Variants in GABRR2 observed in about 807,000 individuals in gnomAD.
The protein encoded by GABRR2 is gamma-aminobutyric acid receptor subunit rho-2.
A neutral mutation model predicts 47.0 loss-of-function variants in GABRR2; 36 were observed. That is an observed-to-expected ratio of 0.77 (90% CI 0.59 to 1.01). GABRR2 has a LOEUF of 1.01. GABRR2 is among the 50% of genes least tolerant of loss of function. The pLI is 0.00. For synonymous variants in GABRR2, 204 were observed against 227.5 expected, an observed-to-expected ratio of 0.90 and a Z score of 0.93; for missense variants, 587 against 594.6, an observed-to-expected ratio of 0.99 and a Z score of 0.13.
At chr6:89,267,605 G>T (rs1403037431) in intron 6 of GABRR2, 74 bp downstream of exon 6, 1 of 1,120,996 alleles carries the variant, frequency 8.9e-7, no homozygotes, top group Non-Finnish European at 1.3e-6. Context: ...ATATTTTCCT[G>T]GGGTTAAGGC....
intron 1 of GABRR2, among the ~76,000 whole-genome samples, chr6:89,303,637 T>A: frequency 3.7e-5 from 4 of 108,474 alleles, no homozygotes; most frequent in African/African-American, 7.5e-5. Flanking sequence ...GCCAAAGCAA[T>A]CTTAAGGAGG....
At chr6:89,274,198 C>A (rs754156556) in intron 2 of GABRR2, among the ~76,000 whole-genome samples, 3 of 152,208 alleles carry the variant, frequency 2.0e-5, no homozygotes, top group East Asian at 1.9e-4. Context: ...ATTGCCCATG[C>A]GGAGTGCAGG....
rs780056404 is a variant in GABRR2 at position 89,271,612 on chromosome 6, C to T, written c.288+43G>A. On this transcript the variant is annotated intron_variant, in intron 3 of 8. Coordinates refer to ENST00000402938, the MANE Select transcript of GABRR2 (RefSeq NM_002043.5). ...CAGCCTGCACCACCGAGGCCCACTA[C>T]ACTACAGGCTCTCACGCTGTGTCAC... 7.7e-6 allele frequency: 12 copies of T among 1,558,296 alleles called. No individual in the cohort carries two copies. In the East Asian group the frequency reaches 9.2e-5, roughly 12 times the overall value.
rs543907683 is a variant in GABRR2 at position 89,289,498 on chromosome 6, T to A, written c.220+10261A>T. ...GAGAGAATTTAACTTGAATTTGAAT[T>A]CTGATTTAAATTAAATACTAAGGAT... On this transcript the variant is annotated intron_variant, in intron 2 of 8. Coordinates refer to ENST00000402938, the MANE Select transcript of GABRR2 (RefSeq NM_002043.5). Among the ~76,000 whole-genome samples the A allele has an allele frequency of 2.2e-4, 33 of 152,256 alleles. No individual in the cohort carries two copies. The South Asian group carries it at 6.2e-3, about 29-fold the overall frequency.
At chr6:89,259,891 TTTTTTTTG>T (rs1263111178) in intron 8 of GABRR2, among the ~76,000 whole-genome samples, 1 of 148,114 alleles carries the variant, frequency 6.8e-6, no homozygotes, top group East Asian at 1.9e-4. Context: ...CTCTTTTTTT[TTTTTTTTG>T]TTTTTTTTGT....
rs1020497657 is a variant in GABRR2 at position 89,302,405 on chromosome 6, G to A, written c.114-2540C>T. On this transcript the variant is annotated intron_variant, in intron 1 of 8. Transcript: ENST00000402938. ...AACAAGGAGGCGCTCTAGGACATCT[G>A]CGTCAGCACCCTCAGGCTGGCCACG... 2.3e-4 allele frequency: 132 copies of A among 566,628 alleles called. 2 individuals are homozygous for A. The highest frequency in any genetic ancestry group is 1.7e-3 in the South Asian group (115 of 69,498). The allele number at this position is 566,628 out of a possible 1,614,324, so 35.1% of individuals were successfully genotyped here.
intron 2 of GABRR2, among the ~76,000 whole-genome samples, chr6:89,273,938 A>G (rs1774110069): frequency 6.6e-6 from 1 of 152,228 alleles, no homozygotes; most frequent in Non-Finnish European, 1.5e-5. Flanking sequence ...CAAGAGCCGC[A>G]GGGAAGAAAC....
chr6:89,264,401 A>C lies in GABRR2; in HGVS notation c.1086+11T>G. The C allele has an allele frequency of 4.3e-6, 7 of 1,610,950 alleles. No individual in the cohort carries two copies. Among genetic ancestry groups the C allele is most frequent in the Non-Finnish European group, 5.1e-6 (6 of 1,178,468 alleles). On this transcript the variant is annotated intron_variant, in intron 8 of 8. Transcript: ENST00000402938. ...CATGGACTTAGACAAGGGCCGAAGA[A>C]GCCCTCTCACCTTCTCCCGCAGCTT...
At chr6:89,291,099 T>C (rs781608207) in intron 2 of GABRR2, among the ~76,000 whole-genome samples, 2 of 152,192 alleles carry the variant, frequency 1.3e-5, no homozygotes, top group Non-Finnish European at 2.9e-5. Context: ...TCTCAGTGAA[T>C]GGCCTCACCC....
chr6:89,280,400 T>C (rs1261562037), intron 2 of GABRR2, among the ~76,000 whole-genome samples: 1 of 151,942 alleles, frequency 6.6e-6, no homozygotes, highest in African/African-American at 2.4e-5. Flanking sequence ...CAGTCTGGTC[T>C]GAAGGGGGCT....
In GABRR2 at chr6:89,267,838, A is replaced by T; in HGVS notation, c.596-19T>A. The T allele has an allele frequency of 6.2e-7, 1 of 1,606,704 alleles. No individual in the cohort carries two copies. The highest frequency in any genetic ancestry group is 1.8e-4 in the Middle Eastern group (1 of 5,660). On this transcript the variant is annotated intron_variant, in intron 5 of 8. Transcript: ENST00000402938. ...TAGGCATCTTTGGGAAGAGGAAAACAAGTTAATTTGACTCCTTCGCTTCTG... is the reference window on the plus strand; with the variant it reads ...TAGGCATCTTTGGGAAGAGGAAAACTAGTTAATTTGACTCCTTCGCTTCTG...
At chr6:89,306,169 G>A (rs756972755) in intron 1 of GABRR2, among the ~76,000 whole-genome samples, 29 of 151,482 alleles carry the variant, frequency 1.9e-4, no homozygotes, top group Admixed American at 8.5e-4. Flanking sequence ...TTGAGCCCAG[G>A]AGTTTGAGAC....
intron 2 of GABRR2, among the ~76,000 whole-genome samples, chr6:89,297,697 A>C (rs540331920): frequency 6.6e-6 from 1 of 152,300 alleles, no homozygotes; most frequent in African/African-American, 2.4e-5. Flanking sequence ...TCTACTAAAA[A>C]TACAAAAGAA....
chr6:89,312,392 T>G (rs1208100839), intron 1 of GABRR2, among the ~76,000 whole-genome samples: 1 of 152,220 alleles, frequency 6.6e-6, no homozygotes, highest in Non-Finnish European at 1.5e-5. Context: ...TTGTTCTGTG[T>G]GCATGCCTTG....
intron 2 of GABRR2, among the ~76,000 whole-genome samples, chr6:89,274,198 C>T (rs754156556): frequency 3.3e-5 from 5 of 152,208 alleles, no homozygotes; most frequent in South Asian, 2.1e-4. Flanking sequence ...ATTGCCCATG[C>T]GGAGTGCAGG....
intron 8 of GABRR2, among the ~76,000 whole-genome samples, chr6:89,259,346 T>C (rs1439925749): frequency 3.9e-5 from 6 of 152,144 alleles, no homozygotes; most frequent in African/African-American, 1.4e-4. Flanking sequence ...AATGCAGAAA[T>C]AGATGAATGA....
Position 89,265,640 on chromosome 6 carries a change from T to C in GABRR2, c.862A>G (p.Arg288Gly). 6.2e-7 allele frequency: 1 copy of C among 1,614,200 alleles called. No homozygotes were observed. The change falls in exon 7 of 9, where the codon AGA becomes GGA. Residue 288 changes from arginine to glycine, a missense_variant. Transcript: ENST00000402938. ...LSWVSFWIDR[R>G]AVPARVSLGI... is the part of the protein sequence containing the mutation. The stretch of plus-strand genomic sequence containing the variant: ...AGTGAAACTCTGGCAGGCACAGCTC[T>C]GCGGTCGATCCAGAAGGACACCCAG...
Position 89,302,840 on chromosome 6 carries a change from C to T in GABRR2, c.114-2975G>A, listed in dbSNP as rs763367678. On this transcript the variant is annotated intron_variant, in intron 1 of 8. Transcript: ENST00000402938. ...TGGACGTGTGTGACATCCCACCCCC[C>T]AGCCTCAAGATGTCTTCCACCCTCA... 6 of 1,367,384 alleles carry T rather than the reference C, an allele frequency of 4.4e-6. No homozygotes were observed. The African/African-American group carries it at 5.8e-5, about 13-fold the overall frequency. 84.7% of individuals were successfully genotyped at this position (1,367,384 alleles called of 1,614,324 possible).
In GABRR2 at chr6:89,264,398, A is replaced by G; in HGVS notation, c.1086+14T>C. On this transcript the variant is annotated intron_variant, in intron 8 of 8. Coordinates refer to ENST00000402938, the MANE Select transcript of GABRR2 (RefSeq NM_002043.5). ...CAGCATGGACTTAGACAAGGGCCGA[A>G]GAAGCCCTCTCACCTTCTCCCGCAG... The G allele has an allele frequency of 6.2e-7, 1 of 1,610,366 alleles. No individual in the cohort carries two copies. The highest frequency in any genetic ancestry group is 1.1e-5 in the South Asian group (1 of 90,746).
Sources: allele counts gnomAD v4.1 joint callset (sites outside exome capture counted in the v4.1 genomes callset), GRCh38; gene constraint gnomAD v4.1.1; transcripts MANE v1.5; gene names NCBI Gene and HGNC (gene_info 2026-07-23, HGNC 2026-07-21).